The following FAM162A variants were observed in gnomAD, a reference collection of about 807,000 sequenced individuals.
FAM162A encodes protein FAM162A.
FAM162A carries 23 observed loss-of-function variants against 21.8 expected under a neutral mutation model. The observed-to-expected ratio is 1.05, with a 90% CI of 0.76 to 1.49. The LOEUF (loss-of-function observed/expected upper bound fraction) is 1.49. Among genes scored for constraint, FAM162A ranks in the 40% most tolerant of loss-of-function variants. FAM162A has a pLI of 0.00. For missense variants in FAM162A, 165 were observed against 186.4 expected, an observed-to-expected ratio of 0.89 and a Z score of 0.67; for synonymous variants, 53 against 61.3, an observed-to-expected ratio of 0.86 and a Z score of 0.64.
chr3:122,389,636 G>A (rs758521996), intron 1 of FAM162A, among the ~76,000 whole-genome samples: 14 of 152,068 alleles, frequency 9.2e-5, no homozygotes, highest in South Asian at 2.1e-4. Context: ...GCTGTGTGTC[G>A]GGTTTTATAC....
intron 1 of FAM162A, among the ~76,000 whole-genome samples, chr3:122,400,372 G>C (rs950861605): frequency 2.1e-5 from 3 of 143,848 alleles, no homozygotes; most frequent in Non-Finnish European, 2.9e-5. Flanking sequence ...GGCCTGTCAG[G>C]GGGTGGGGGT....
Position 122,402,983 on chromosome 3 carries a change from C to T in FAM162A, c.157+101C>T, listed in dbSNP as rs1185902534. On this transcript the variant is annotated intron_variant, in intron 2 of 4. Coordinates refer to ENST00000477892, the MANE Select transcript of FAM162A (RefSeq NM_014367.4). ...AAAGAGAAGAGGTTCCTATATCATACCCTCCCATGTAGAGAGAACACATTG... is the reference window on the plus strand; with the variant it reads ...AAAGAGAAGAGGTTCCTATATCATATCCTCCCATGTAGAGAGAACACATTG... 9.3e-6 allele frequency: 12 copies of T among 1,294,682 alleles called. No individual in the cohort carries two copies. The Admixed American group carries it at 2.5e-4, about 27-fold the overall frequency. 80.2% of individuals were successfully genotyped at this position (1,294,682 alleles called of 1,614,324 possible). A position where few individuals can be genotyped will look rare whatever the true frequency, so the allele number is the denominator to read the frequency against.
chr3:122,407,762 C>G (rs2075683665), intron 4 of FAM162A: 1 of 271,446 alleles, frequency 3.7e-6, no homozygotes, highest in South Asian at 1.1e-4. Context: ...CTCACCATAA[C>G]TGCCTTCAGC....
chr3:122,385,999 C>CA (rs902790341), intron 1 of FAM162A, among the ~76,000 whole-genome samples: 24 of 152,176 alleles, frequency 1.6e-4, no homozygotes, highest in African/African-American at 5.5e-4. Context: ...ATCTCTTTGC[C>CA]AAAAAATGTT....
At position 122,404,265 on chromosome 3, in the gene FAM162A, C is replaced by G. The variant is rs775378118; in HGVS notation, c.165C>G (p.Tyr55Ter). 1.9e-6 allele frequency: 3 copies of G among 1,568,680 alleles called. No homozygotes were observed. Among genetic ancestry groups the G allele is most frequent in the Non-Finnish European group, 2.6e-6 (3 of 1,152,170 alleles). The change falls in exon 3 of 5, where the codon TAC (tyrosine) becomes TAG (stop). Residue 55 changes from tyrosine (Y) to a stop codon, truncating the protein, a stop_gained. Coordinates refer to ENST00000477892, the MANE Select transcript of FAM162A (RefSeq NM_014367.4). LOFTEE classifies it high-confidence loss of function. ...QESPGAPSRT[Y>*]NRVPLHKPTD... is the part of the protein sequence containing the mutation. ...GTCTGGTTTTTCTCATAGGCACTTA[C>G]AACAGAGTGCCTTTACACAAACCTA...
chr3:122,397,877 A>C (rs1226397251), intron 1 of FAM162A, among the ~76,000 whole-genome samples: 1 of 152,246 alleles, frequency 6.6e-6, no homozygotes, highest in Admixed American at 6.5e-5. Context: ...AGGAGTCTCT[A>C]AAAACATTTC....
At chr3:122,408,015 A>G (rs2075684607) in intron 4 of FAM162A, 2 of 152,248 alleles carry the variant, frequency 1.3e-5, no homozygotes, top group African/African-American at 4.8e-5. Flanking sequence ...TGATTTATAG[A>G]TGAGGAAAAC....
chr3:122,402,375 G>A (rs1008816313), intron 1 of FAM162A, among the ~76,000 whole-genome samples: 4 of 152,004 alleles, frequency 2.6e-5, no homozygotes, highest in Admixed American at 2.0e-4. Flanking sequence ...TATCAGCATC[G>A]TATTGGCAAC....
intron 1 of FAM162A, among the ~76,000 whole-genome samples, chr3:122,397,428 C>T (rs770094920): frequency 4.6e-5 from 7 of 152,196 alleles, no homozygotes; most frequent in African/African-American, 1.4e-4. Context: ...GGTCTGAGGG[C>T]ACACTCTTAC....
At chr3:122,405,327 C>T (rs1206567883) in intron 3 of FAM162A, among the ~76,000 whole-genome samples, 2 of 152,188 alleles carry the variant, frequency 1.3e-5, no homozygotes, top group Non-Finnish European at 2.9e-5. Context: ...GGATTTCTTT[C>T]CCAGGGAAAT....
intron 1 of FAM162A, chr3:122,401,650 A>T (rs75708040): frequency 1.6e-6 from 1 of 622,530 alleles, no homozygotes; most frequent in Non-Finnish European, 2.2e-6. Flanking sequence ...AAAAAAAAAA[A>T]TAGCCATTCT....
At chr3:122,397,508 T>C (rs1048436628) in intron 1 of FAM162A, among the ~76,000 whole-genome samples, 2 of 152,214 alleles carry the variant, frequency 1.3e-5, no homozygotes, top group African/African-American at 4.8e-5. Context: ...AAAGCCCTAG[T>C]CAGATTTATC....
intron 1 of FAM162A, among the ~76,000 whole-genome samples, chr3:122,385,573 A>C (rs1210111646): frequency 1.3e-5 from 2 of 152,226 alleles, no homozygotes; most frequent in Non-Finnish European, 2.9e-5. Flanking sequence ...ACTAATACTG[A>C]GTATATTGTA....
intron 3 of FAM162A, 129 bp downstream of exon 3, chr3:122,404,492 T>A: frequency 2.0e-6 from 1 of 497,368 alleles, no homozygotes; most frequent in Non-Finnish European, 3.6e-6. Context: ...CTTTTCCAAA[T>A]GTTTTATCTT....
chr3:122,396,932 G>A (rs970208720), intron 1 of FAM162A, among the ~76,000 whole-genome samples: 32 of 25,088 alleles, frequency 1.3e-3, no homozygotes, highest in Admixed American at 7.6e-3. Flanking sequence ...CATAGAGACT[G>A]TGACTTTTAG....
At chr3:122,400,844 G>T (rs1291271485) in intron 1 of FAM162A, among the ~76,000 whole-genome samples, 1 of 151,738 alleles carries the variant, frequency 6.6e-6, no homozygotes, top group African/African-American at 2.4e-5. Context: ...AAAAAAAAAA[G>T]ACTGAGAATA....
At chr3:122,393,914 A>G (rs555956716) in intron 1 of FAM162A, among the ~76,000 whole-genome samples, 1 of 152,342 alleles carries the variant, frequency 6.6e-6, no homozygotes, top group Admixed American at 6.5e-5. Context: ...CCAGTCTCGC[A>G]TTGCTAAAAA....
intron 1 of FAM162A, among the ~76,000 whole-genome samples, chr3:122,401,833 ATTTG>A (rs531164341): frequency 4.0e-4 from 61 of 152,076 alleles, no homozygotes; most frequent in African/African-American, 1.4e-3. Context: ...TTTCTTGATA[ATTTG>A]TTTAAGTTCC....
At chr3:122,397,845 G>GA (rs1282232323) in intron 1 of FAM162A, among the ~76,000 whole-genome samples, 2 of 151,816 alleles carry the variant, frequency 1.3e-5, no homozygotes, top group African/African-American at 4.8e-5. Flanking sequence ...GTGACAAACT[G>GA]AAAAAAAATG....
Sources: gnomAD v4.1 joint callset for allele counts (sites outside exome capture counted in the v4.1 genomes callset) on GRCh38, gnomAD v4.1.1 for gene constraint, MANE v1.5 for transcripts, NCBI Gene and HGNC (gene_info 2026-07-23, HGNC 2026-07-21) for gene names.